The following DCC variants were observed in gnomAD, a reference collection of about 807,000 sequenced individuals.
DCC encodes the protein netrin receptor DCC.
DCC carries 58 observed loss-of-function variants against 172.5 expected under a neutral mutation model. That is an observed-to-expected ratio of 0.34 (90% confidence interval 0.27 to 0.42). DCC has a LOEUF of 0.42. Ranked by LOEUF, DCC falls within the 10% of genes least tolerant of loss-of-function variation. The pLI, the probability that DCC is intolerant of heterozygous loss-of-function variation, is 1.00. For missense variants in DCC, 1,740 were observed against 1,791.0 expected (o/e 0.97, Z 0.51); for synonymous variants, 709 against 644.5 (o/e 1.10, Z -1.52).
rs137976832 is a variant in DCC, at chr18:52,999,983, G to T, written c.986-63322G>T. Among the ~76,000 whole-genome samples the T allele has an allele frequency of 1.4e-4, 21 of 152,118 alleles. 1 individual carries two copies. The highest frequency in any genetic ancestry group is 3.4e-3 in the Middle Eastern group (1 of 294). ...CCATGTGATGAAAGAAGCAGAGACTGAAGTGATACAACTATAGGCCAAGGA... is the reference window on the plus strand; with the variant it reads ...CCATGTGATGAAAGAAGCAGAGACTTAAGTGATACAACTATAGGCCAAGGA... On this transcript the variant is annotated intron_variant, in intron 5 of 28. Coordinates refer to ENST00000442544, the MANE Select transcript of DCC (RefSeq NM_005215.4).
intron 1 of DCC, among the ~76,000 whole-genome samples, chr18:52,371,637 G>A (rs889578169): frequency 3.3e-5 from 5 of 152,050 alleles, no homozygotes; most frequent in East Asian, 1.9e-4. Flanking sequence ...TTCCCCTCCC[G>A]CCTGCTTCTT....
At chr18:52,724,535 G>C (rs754799567) in intron 1 of DCC, among the ~76,000 whole-genome samples, 20 of 152,008 alleles carry the variant, frequency 1.3e-4, no homozygotes, top group Admixed American at 2.0e-4. Context: ...ATTTCCTGTG[G>C]TTGCTCAGAA....
intron 5 of DCC, among the ~76,000 whole-genome samples, chr18:52,981,001 G>A (rs186117588): frequency 8.7e-5 from 13 of 149,342 alleles, no homozygotes; most frequent in East Asian, 7.9e-4. Context: ...ATTATAAGCC[G>A]GTATTTTCCA....
intron 5 of DCC, among the ~76,000 whole-genome samples, chr18:52,932,768 C>A (rs116991913): frequency 1.3e-5 from 2 of 151,888 alleles, no homozygotes; most frequent in Admixed American, 6.6e-5. Context: ...TACATACACA[C>A]GTATATTTTT....
At chr18:53,174,976 C>T (rs959389966) in intron 8 of DCC, among the ~76,000 whole-genome samples, 6 of 152,112 alleles carry the variant, frequency 3.9e-5, no homozygotes, top group African/African-American at 1.4e-4. Context: ...AGCTTATTCA[C>T]CATGATCAAG....
At chr18:53,502,882 T>C (rs1568172813) in intron 27 of DCC, among the ~76,000 whole-genome samples, 1 of 152,100 alleles carries the variant, frequency 6.6e-6, no homozygotes, top group African/African-American at 2.4e-5. Flanking sequence ...CTGGGGTACA[T>C]GTGCAGGACA....
chr18:52,632,694 C>T (rs1005772773), intron 1 of DCC, among the ~76,000 whole-genome samples: 61 of 152,208 alleles, frequency 4.0e-4, no homozygotes, highest in African/African-American at 1.5e-3. Context: ...TGATCATGAG[C>T]ATTCCTGTGG....
intron 21 of DCC, among the ~76,000 whole-genome samples, chr18:53,430,626 A>G (rs1053490293): frequency 7.2e-5 from 11 of 152,314 alleles, no homozygotes; most frequent in African/African-American, 2.4e-4. Context: ...ACACCACAAT[A>G]AAAACATGCA....
intron 1 of DCC, among the ~76,000 whole-genome samples, chr18:52,695,364 T>C (rs2035996327): frequency 6.6e-6 from 1 of 152,214 alleles, no homozygotes; most frequent in African/African-American, 2.4e-5. Context: ...CTCCTGAAAC[T>C]CTTCAATTAT....
At chr18:53,011,764 A>G (rs1375529660) in intron 5 of DCC, among the ~76,000 whole-genome samples, 1 of 151,610 alleles carries the variant, frequency 6.6e-6, no homozygotes, top group Non-Finnish European at 1.5e-5. Flanking sequence ...TTTTTCTACC[A>G]ACGTATTCCA....
chr18:52,660,783 C>T (rs770770991), intron 1 of DCC, among the ~76,000 whole-genome samples: 21 of 152,166 alleles, frequency 1.4e-4, no homozygotes, highest in Non-Finnish European at 2.9e-4. Flanking sequence ...TTGTTCTGGG[C>T]TTCCCTTTCT....
intron 2 of DCC, among the ~76,000 whole-genome samples, chr18:52,874,345 G>A (rs1688210979): frequency 6.6e-6 from 1 of 151,996 alleles, no homozygotes; most frequent in African/African-American, 2.4e-5. Context: ...TTTCGAAATG[G>A]CCATATTTTC....
chr18:52,622,011 T>C (rs1365840098), intron 1 of DCC, among the ~76,000 whole-genome samples: 3 of 152,188 alleles, frequency 2.0e-5, no homozygotes, highest in African/African-American at 7.2e-5. Flanking sequence ...AGAATTTATT[T>C]GCATTCCGTG....
At chr18:53,016,560 G>A (rs1320789455) in intron 5 of DCC, among the ~76,000 whole-genome samples, 1 of 151,950 alleles carries the variant, frequency 6.6e-6, no homozygotes, top group African/African-American at 2.4e-5. Flanking sequence ...TAGAAATAAT[G>A]AAACTAAAAT....
chr18:52,948,471 T>C lies in DCC; in HGVS notation c.985+23101T>C, dbSNP rs116684171. ...TGAACATTAGCTATATACCGGATACTGTGCAATATATTTCATGTGAATTTA... is the reference window on the plus strand; with the variant it reads ...TGAACATTAGCTATATACCGGATACCGTGCAATATATTTCATGTGAATTTA... On this transcript the variant is annotated intron_variant, in intron 5 of 28. Coordinates refer to ENST00000442544, the MANE Select transcript of DCC (RefSeq NM_005215.4). 9.1e-4 allele frequency among the ~76,000 whole-genome samples: 139 copies of C among 152,332 alleles called. 1 individual carries two copies. The highest frequency in any genetic ancestry group is 3.2e-3 in the African/African-American group (133 of 41,566).
At chr18:53,062,510 A>C (rs570598437) in intron 5 of DCC, among the ~76,000 whole-genome samples, 1 of 152,202 alleles carries the variant, frequency 6.6e-6, no homozygotes, top group East Asian at 1.9e-4. Context: ...TGTCACTCTT[A>C]AGTTTCCCCA....
intron 9 of DCC, among the ~76,000 whole-genome samples, chr18:53,198,976 T>G (rs1036777071): frequency 6.6e-6 from 1 of 152,146 alleles, no homozygotes; most frequent in Non-Finnish European, 1.5e-5. Context: ...GCCCATTAAG[T>G]TCCTTGACTG....
At chr18:52,623,464 G>C (rs1323488586) in intron 1 of DCC, among the ~76,000 whole-genome samples, 2 of 152,066 alleles carry the variant, frequency 1.3e-5, no homozygotes, top group African/African-American at 4.8e-5. Flanking sequence ...TTCCTTTTTT[G>C]TTTCTAAAGT....
In DCC at chr18:53,159,008, A is replaced by AAAAAAAAAAAAAAAAAAAAAAAAAG. The variant is rs34406723; in HGVS notation, c.1418+1496_1418+1497insAAAAAAAAAAAAAAAAAAAAAAAAG. On this transcript the variant is annotated intron_variant, in intron 8 of 28. Transcript: ENST00000442544. ...CATCTCAAAAAAAAAAAAAAAAAGAAGAAGATGTAGGCATACCCATATTGC... is the reference window on the plus strand; with the variant it reads ...CATCTCAAAAAAAAAAAAAAAAAGAAAAAAAAAAAAAAAAAAAAAAAAAAGGAAGATGTAGGCATACCCATATTGC... Among the ~76,000 whole-genome samples, 106 of 119,138 alleles carry AAAAAAAAAAAAAAAAAAAAAAAAAG rather than the reference A, an allele frequency of 8.9e-4. 8 individuals carry two copies. Among genetic ancestry groups the AAAAAAAAAAAAAAAAAAAAAAAAAG allele is most frequent in the African/African-American group, 2.7e-3 (82 of 30,628 alleles). 78.2% of individuals were successfully genotyped at this position (119,138 alleles called of 152,430 possible).
Sources: gnomAD v4.1 joint callset for allele counts (sites outside exome capture counted in the v4.1 genomes callset) on GRCh38, gnomAD v4.1.1 for gene constraint, MANE v1.5 for transcripts, NCBI Gene and HGNC (gene_info 2026-07-23, HGNC 2026-07-21) for gene names.